The following KIT variants were observed in gnomAD, a reference collection of about 807,000 sequenced individuals.
KIT encodes the protein KIT proto-oncogene, receptor tyrosine kinase, also known as mast/stem cell growth factor receptor Kit.
A neutral mutation model predicts 105.7 loss-of-function variants in KIT; 16 were observed. That is an observed-to-expected ratio of 0.15 (90% CI 0.10 to 0.23). KIT has a LOEUF of 0.23. Ranked by LOEUF, KIT falls within the 10% of genes least tolerant of loss-of-function variation. The probability of loss-of-function intolerance (pLI) is 1.00; values close to 1 mark genes in which losing one functional copy is unlikely to be tolerated. For missense variants in KIT, 858 were observed against 1,213.8 expected (o/e 0.71, Z 4.36); for synonymous variants, 438 against 441.1 (o/e 0.99, Z 0.09).
chr4:54,698,769 T>C (rs1720252558), intron 3 of KIT, among the ~76,000 whole-genome samples: 1 of 152,246 alleles, frequency 6.6e-6, no homozygotes, highest in Non-Finnish European at 1.5e-5. Context: ...CTGCCTCTCA[T>C]AGAGGTGAAT....
At chr4:54,658,987 A>G (rs1206181058) in intron 1 of KIT, among the ~76,000 whole-genome samples, 3 of 151,484 alleles carry the variant, frequency 2.0e-5, no homozygotes, top group Admixed American at 1.3e-4. Flanking sequence ...CCTGACTCCA[A>G]CCGCCTAGCA....
chr4:54,709,621 C>T (rs778743896), intron 7 of KIT, 82 bp downstream of exon 7: 1 of 826,840 alleles, frequency 1.2e-6, no homozygotes, highest in South Asian at 1.4e-5. Flanking sequence ...AAGGACTCAA[C>T]TTGTGTACTA....
Position 54,738,665 on chromosome 4 carries a change from A to T in KIT, c.*108A>T. On this transcript the variant is annotated 3_prime_UTR_variant, in exon 21 of 21. Transcript: ENST00000288135. The stretch of plus-strand genomic sequence containing the variant: ...TGCATCCAACTCCAGGATAGTGGGC[A>T]CCCCACTGCAATCCTGTCTTTCTGA... The T allele has an allele frequency of 3.0e-6, 4 of 1,325,262 alleles. No individual in the cohort carries two copies. The highest frequency in any genetic ancestry group is 4.3e-6 in the Non-Finnish European group (4 of 930,750). 82.1% of individuals were successfully genotyped at this position (1,325,262 alleles called of 1,614,324 possible). A position where few individuals can be genotyped will look rare whatever the true frequency, so the allele number is the denominator to read the frequency against.
intron 7 of KIT, among the ~76,000 whole-genome samples, chr4:54,711,253 A>AC (rs907401417): frequency 4.6e-5 from 7 of 152,248 alleles, no homozygotes; most frequent in Non-Finnish European, 1.0e-4. Context: ...TGGGTGGTGT[A>AC]AGCCAATGAA....
chr4:54,693,776 G>A (rs1228092509), intron 1 of KIT, among the ~76,000 whole-genome samples: 1 of 152,118 alleles, frequency 6.6e-6, no homozygotes, highest in African/African-American at 2.4e-5. Context: ...AGGGAATCTT[G>A]TTATCACACT....
At chr4:54,685,350 A>G (rs776480965) in intron 1 of KIT, among the ~76,000 whole-genome samples, 12 of 151,792 alleles carry the variant, frequency 7.9e-5, no homozygotes, top group Non-Finnish European at 1.8e-4. Context: ...TACCCCTCCA[A>G]TCTATTGGCA....
At chr4:54,709,603 A>G in intron 7 of KIT, 64 bp downstream of exon 7, 1 of 1,008,270 alleles carries the variant, frequency 9.9e-7, no homozygotes, top group Non-Finnish European at 1.6e-6. Flanking sequence ...CGTGTTTGTA[A>G]CAGCTGCAAG....
At chr4:54,712,605 A>G (rs1721231666) in intron 7 of KIT, among the ~76,000 whole-genome samples, 1 of 152,204 alleles carries the variant, frequency 6.6e-6, no homozygotes, top group Non-Finnish European at 1.5e-5. Flanking sequence ...TGGTGGGGGC[A>G]AAATTGCTAC....
intron 1 of KIT, among the ~76,000 whole-genome samples, chr4:54,679,804 T>C (rs1246471428): frequency 2.0e-5 from 3 of 152,198 alleles, no homozygotes; most frequent in African/African-American, 7.2e-5. Flanking sequence ...AAATATAGCA[T>C]ATACACAGTG....
rs768214921 is a variant in KIT, at chr4:54,727,837, G to A, written c.1789G>A (p.Ala597Thr). ...NRLSFGKTLGAGAFGKVVEAT... is the reference protein window; with the variant it reads ...NRLSFGKTLGTGAFGKVVEAT... Reference sequence around the variant, plus strand: ...CCTTCCTACAGGGAAAACCCTGGGTGCTGGAGCTTTCGGGAAGGTTGTTGA... The same window carrying A: ...CCTTCCTACAGGGAAAACCCTGGGTACTGGAGCTTTCGGGAAGGTTGTTGA... The change falls in exon 12 of 21, where the codon GCT becomes ACT. Residue 597 changes from alanine to threonine, a missense_variant. Coordinates refer to ENST00000288135, the MANE Select transcript of KIT (RefSeq NM_000222.3). 8.7e-6 allele frequency: 14 copies of A among 1,612,706 alleles called. No homozygotes were observed. The highest frequency in any genetic ancestry group is 1.7e-5 in the Admixed American group (1 of 59,972).
At chr4:54,676,185 G>T (rs960406814) in intron 1 of KIT, among the ~76,000 whole-genome samples, 1 of 152,130 alleles carries the variant, frequency 6.6e-6, no homozygotes, top group African/African-American at 2.4e-5. Flanking sequence ...GTGTGGTCTG[G>T]ACCAGCAGCA....
chr4:54,658,417 C>CGG (rs901310155), intron 1 of KIT, among the ~76,000 whole-genome samples: 1 of 151,908 alleles, frequency 6.6e-6, no homozygotes, highest in Non-Finnish European at 1.5e-5. Context: ...GGGGCGGAGG[C>CGG]GGGGGGCTCA....
At chr4:54,669,087 A>C (rs1456247198) in intron 1 of KIT, among the ~76,000 whole-genome samples, 3 of 152,224 alleles carry the variant, frequency 2.0e-5, no homozygotes, top group Non-Finnish European at 4.4e-5. Context: ...ATAGCTAATG[A>C]AAATACTTAA....
At chr4:54,697,772 T>C (rs1720170483) in intron 2 of KIT, among the ~76,000 whole-genome samples, 1 of 152,246 alleles carries the variant, frequency 6.6e-6, no homozygotes, top group Admixed American at 6.5e-5. Context: ...CTCTGGACCC[T>C]GGAAAGGGTC....
intron 1 of KIT, among the ~76,000 whole-genome samples, chr4:54,678,472 T>G (rs1246977546): frequency 1.3e-5 from 2 of 151,586 alleles, no homozygotes; most frequent in African/African-American, 4.8e-5. Flanking sequence ...ATAGTAGTAG[T>G]AACAACAGGA....
intron 1 of KIT, among the ~76,000 whole-genome samples, chr4:54,658,745 G>C (rs535989493): frequency 2.6e-5 from 4 of 152,304 alleles, no homozygotes; most frequent in Non-Finnish European, 4.4e-5. Flanking sequence ...GCGTGGGGCT[G>C]TTGTGGGGCC....
chr4:54,725,822 A>T (rs2109767552), intron 8 of KIT, 35 bp from the exon 9 acceptor site: 1 of 1,585,640 alleles, frequency 6.3e-7, no homozygotes, highest in Non-Finnish European at 8.7e-7. Flanking sequence ...TTATTTTCCT[A>T]GAGTAAGCCA....
At position 54,739,723 on chromosome 4, in the gene KIT, A is replaced by G; in HGVS notation, c.*1166A>G. 1 of 233,616 alleles carries G rather than the reference A, an allele frequency of 4.3e-6. No individual in the cohort carries two copies. The highest frequency in any genetic ancestry group is 8.5e-6 in the Non-Finnish European group (1 of 117,960). The allele number at this position is 233,616 out of a possible 1,614,324, so 14.5% of individuals were successfully genotyped here. On this transcript the variant is annotated 3_prime_UTR_variant, in exon 21 of 21. Coordinates refer to ENST00000288135, the MANE Select transcript of KIT (RefSeq NM_000222.3). ...GGAGGGGTATTTTTGCCCTGAGTCC[A>G]AGAGGGTCCTTTAGTACCTGAAAAG...
At position 54,705,842 on chromosome 4, in the gene KIT, A is replaced by G. The variant is rs918783804; in HGVS notation, c.926-1256A>G. On this transcript the variant is annotated intron_variant, in intron 5 of 20. Transcript: ENST00000288135. ...GGCTTTAGTGAGCTGTGATCGTGCC[A>G]CTGTGCTCCAGCCTGGGCAACAGAG... Among the ~76,000 whole-genome samples the G allele has an allele frequency of 2.6e-5, 4 of 152,298 alleles. No homozygotes were observed. The East Asian group carries it at 7.7e-4, about 29-fold the overall frequency.
Sources: gnomAD v4.1 joint callset for allele counts (sites outside exome capture counted in the v4.1 genomes callset) on GRCh38, gnomAD v4.1.1 for gene constraint, MANE v1.5 for transcripts, NCBI Gene and HGNC (gene_info 2026-07-23, HGNC 2026-07-21) for gene names.